Variants in PPM1E observed in about 807,000 individuals in gnomAD.
PPM1E encodes the protein protein phosphatase 1E.
Under a neutral mutation model 65.9 loss-of-function variants are expected in PPM1E, and 20 were observed. The ratio of observed to expected loss-of-function variants is 0.30; its 90% CI spans 0.21 to 0.44. PPM1E has a LOEUF of 0.44. Among genes scored for constraint, PPM1E ranks in the 20% least tolerant of loss-of-function variants. The pLI is 1.00. For missense variants in PPM1E, 713 were observed against 953.1 expected, an observed-to-expected ratio of 0.75 and a Z score of 3.32; for synonymous variants, 352 against 374.9, an observed-to-expected ratio of 0.94 and a Z score of 0.70.
chr17:58,864,920 A>G (rs1489758940), intron 1 of PPM1E, among the ~76,000 whole-genome samples: 1 of 151,866 alleles, frequency 6.6e-6, no homozygotes, highest in Non-Finnish European at 1.5e-5. Context: ...TGAGTGACAG[A>G]GCAAAACTCC....
intron 1 of PPM1E, among the ~76,000 whole-genome samples, chr17:58,912,045 TG>T (rs1046615480): frequency 3.3e-5 from 5 of 152,140 alleles, no homozygotes; most frequent in African/African-American, 1.2e-4. Flanking sequence ...CTTCCCCTAT[TG>T]GCTAGGGTTG....
At chr17:58,966,226 A>G (rs1196865585) in intron 3 of PPM1E, 2 of 376,758 alleles carry the variant, frequency 5.3e-6, no homozygotes, top group African/African-American at 4.3e-5. Context: ...AAAAAAGAAA[A>G]TGATTAGGCT....
chr17:58,891,930 G>A (rs541146281), intron 1 of PPM1E, among the ~76,000 whole-genome samples: 35 of 134,012 alleles, frequency 2.6e-4, no homozygotes, highest in South Asian at 4.8e-4. Context: ...GCACCTCCCC[G>A]GTTCAAATGA....
chr17:58,927,750 T>TTTTAAAAA (rs2051841842), intron 1 of PPM1E, among the ~76,000 whole-genome samples: 1 of 151,740 alleles, frequency 6.6e-6, no homozygotes, highest in Non-Finnish European at 1.5e-5. Context: ...CCACAAAACA[T>TTTTAAAAA]TTTAAAAATT....
intron 1 of PPM1E, among the ~76,000 whole-genome samples, chr17:58,918,263 G>A (rs1835586300): frequency 6.6e-6 from 1 of 152,070 alleles, no homozygotes; most frequent in African/African-American, 2.4e-5. Context: ...TTGGAGGTTT[G>A]GTGTACATTT....
At chr17:58,923,003 G>A (rs2051772341) in intron 1 of PPM1E, among the ~76,000 whole-genome samples, 1 of 152,064 alleles carries the variant, frequency 6.6e-6, no homozygotes, top group Admixed American at 6.6e-5. Context: ...AAAAATATTA[G>A]GGCCAGGTGT....
At chr17:58,922,059 A>G (rs914740674) in intron 1 of PPM1E, among the ~76,000 whole-genome samples, 2 of 151,726 alleles carry the variant, frequency 1.3e-5, no homozygotes, top group Non-Finnish European at 2.9e-5. Flanking sequence ...AAAAAAAGAA[A>G]AAAAAAAAGT....
intron 2 of PPM1E, among the ~76,000 whole-genome samples, chr17:58,963,222 T>C (rs2030095700): frequency 6.7e-6 from 1 of 149,076 alleles, no homozygotes; most frequent in African/African-American, 2.5e-5. Flanking sequence ...CCGTCTCTAC[T>C]AAACATACAA....
chr17:58,872,575 A>G (rs966719440), intron 1 of PPM1E, among the ~76,000 whole-genome samples: 5 of 152,210 alleles, frequency 3.3e-5, no homozygotes, highest in Non-Finnish European at 7.3e-5. Flanking sequence ...GTTTATTTAA[A>G]CACAAAGTAT....
At chr17:58,978,955 C>T (rs1156711295) in intron 6 of PPM1E, among the ~76,000 whole-genome samples, 2 of 152,094 alleles carry the variant, frequency 1.3e-5, no homozygotes, top group African/African-American at 4.8e-5. Context: ...CCCCAAGCAC[C>T]CTACTCTCCA....
intron 1 of PPM1E, among the ~76,000 whole-genome samples, chr17:58,822,949 T>C (rs2050495345): frequency 1.3e-5 from 2 of 152,182 alleles, no homozygotes; most frequent in African/African-American, 4.8e-5. Context: ...CTTTGTCATA[T>C]GTAAGTGAGG....
intron 1 of PPM1E, among the ~76,000 whole-genome samples, chr17:58,808,001 A>G (rs915947959): frequency 1.3e-5 from 2 of 152,200 alleles, no homozygotes; most frequent in Non-Finnish European, 2.9e-5. Context: ...GTAAAACTGA[A>G]GTTGCAAATG....
intron 3 of PPM1E, among the ~76,000 whole-genome samples, chr17:58,968,309 C>T (rs2030385877): frequency 6.6e-6 from 1 of 152,060 alleles, no homozygotes; most frequent in African/African-American, 2.4e-5. Flanking sequence ...CCTGTAATCC[C>T]AGCTACTTGG....
intron 2 of PPM1E, among the ~76,000 whole-genome samples, chr17:58,957,093 A>G (rs537507016): frequency 6.6e-6 from 1 of 152,230 alleles, no homozygotes; most frequent in Non-Finnish European, 1.5e-5. Flanking sequence ...CCTTATAATG[A>G]AAAGATAGAT....
At chr17:58,847,768 C>A (rs2050786558) in intron 1 of PPM1E, among the ~76,000 whole-genome samples, 1 of 152,068 alleles carries the variant, frequency 6.6e-6, no homozygotes, top group South Asian at 2.1e-4. Flanking sequence ...TTTTTTGATT[C>A]CATATGAACT....
At chr17:58,843,241 G>A (rs572519195) in intron 1 of PPM1E, among the ~76,000 whole-genome samples, 1 of 151,052 alleles carries the variant, frequency 6.6e-6, no homozygotes, top group East Asian at 2.0e-4. Context: ...CAGGAGAATG[G>A]CATGAACCTG....
chr17:58,984,842 A>G lies in PPM1E; in HGVS notation c.*3811A>G, dbSNP rs2031649115. 1.3e-5 allele frequency: 2 copies of G among 152,454 alleles called. No individual in the cohort carries two copies. The highest frequency in any genetic ancestry group is 4.8e-5 in the African/African-American group (2 of 41,466). 9.4% of individuals were successfully genotyped at this position (152,454 alleles called of 1,614,324 possible). A position where few individuals can be genotyped will look rare whatever the true frequency, so the allele number is the denominator to read the frequency against. On this transcript the variant is annotated 3_prime_UTR_variant, in exon 7 of 7. Coordinates refer to ENST00000308249, the MANE Select transcript of PPM1E (RefSeq NM_014906.5). ...GAAATAGGGAACTCCAGACTGACAC[A>G]GCAGTTGTTTTTGAAAAGGAAATAA...
chr17:58,905,692 G>A (rs2051550368), intron 1 of PPM1E, among the ~76,000 whole-genome samples: 1 of 151,796 alleles, frequency 6.6e-6, no homozygotes, highest in Non-Finnish European at 1.5e-5. Context: ...TAACATCTTT[G>A]TTGGGCATTA....
chr17:58,922,909 T>C (rs896788116), intron 1 of PPM1E, among the ~76,000 whole-genome samples: 32 of 152,136 alleles, frequency 2.1e-4, no homozygotes, highest in African/African-American at 7.7e-4. Flanking sequence ...GGTCTTGATC[T>C]CCTGACCTAG....
Sources: gnomAD v4.1 joint callset for allele counts (sites outside exome capture counted in the v4.1 genomes callset) on GRCh38, gnomAD v4.1.1 for gene constraint, MANE v1.5 for transcripts, NCBI Gene and HGNC (gene_info 2026-07-23, HGNC 2026-07-21) for gene names.